SGCD: variants seen among roughly 807,000 people sequenced by gnomAD.
SGCD encodes delta-sarcoglycan.
A neutral mutation model predicts 36.6 loss-of-function variants in SGCD; 18 were observed. The ratio of observed to expected loss-of-function variants is 0.49; its 90% CI spans 0.34 to 0.73. The LOEUF is 0.73. Among genes scored for constraint, SGCD ranks in the 30% least tolerant of loss-of-function variants. The pLI, the probability that SGCD is intolerant of heterozygous loss-of-function variation, is 0.01. For synonymous variants in SGCD, 133 were observed against 130.6 expected, an observed-to-expected ratio of 1.02 and a Z score of -0.12; for missense variants, 387 against 346.7, an observed-to-expected ratio of 1.12 and a Z score of -0.92.
chr5:156,327,591 A>T (rs1767868405), intron 1 of SGCD, among the ~76,000 whole-genome samples: 1 of 152,216 alleles, frequency 6.6e-6, no homozygotes. Context: ...ATAATTTCAG[A>T]TGAAACTGTC....
In SGCD at chr5:156,144,597, T is replaced by C. The variant is rs1405844053; in HGVS notation, c.-44+20578T>C. ...TGTTGATGGGGTTGTTTGTTTTTTC[T>C]TATAAATTTGTTTGTGTTCATCGTG... On this transcript the variant is annotated intron_variant, in intron 3 of 9. Transcript: ENST00000517913. 3.3e-5 allele frequency among the ~76,000 whole-genome samples: 5 copies of C among 152,366 alleles called. No homozygotes were observed. The East Asian group carries it at 9.6e-4, about 29-fold the overall frequency.
intron 1 of SGCD, among the ~76,000 whole-genome samples, chr5:156,004,477 G>GC (rs1419585789): frequency 6.6e-6 from 1 of 152,094 alleles, no homozygotes; most frequent in Non-Finnish European, 1.5e-5. Flanking sequence ...CTAACAACCC[G>GC]TAAGGTTAGT....
chr5:156,309,162 A>G (rs1767318798), intron 3 of SGCD, among the ~76,000 whole-genome samples: 1 of 152,058 alleles, frequency 6.6e-6, no homozygotes, highest in Non-Finnish European at 1.5e-5. Context: ...AGCTTCATGA[A>G]TGTTTATATT....
chr5:156,382,206 A>G (rs1771019955), intron 3 of SGCD, among the ~76,000 whole-genome samples: 1 of 152,096 alleles, frequency 6.6e-6, no homozygotes, highest in South Asian at 2.1e-4. Flanking sequence ...CCCTCTCCAC[A>G]TATTTAATCA....
intron 7 of SGCD, among the ~76,000 whole-genome samples, chr5:156,682,697 A>G (rs563840693): frequency 4.6e-5 from 7 of 152,322 alleles, no homozygotes; most frequent in South Asian, 2.1e-4. Flanking sequence ...GTGAAGAGAG[A>G]TGGAGGATAT....
At chr5:156,597,782 C>T (rs1475193540) in intron 6 of SGCD, among the ~76,000 whole-genome samples, 3 of 152,102 alleles carry the variant, frequency 2.0e-5, no homozygotes, top group South Asian at 4.1e-4. Context: ...TGATTACTTG[C>T]TATGATTTAG....
rs140528297 is a variant in SGCD at position 156,393,175 on chromosome 5, A to G, written c.192+48498A>G. On this transcript the variant is annotated intron_variant, in intron 3 of 8. Coordinates refer to ENST00000337851, the MANE Select transcript of SGCD (RefSeq NM_000337.6). The stretch of plus-strand genomic sequence containing the variant: ...TCTATCAGTAGGGAAACCAAGAGAC[A>G]GGGACAGGACGGACATGCTTGAATA... 9.2e-5 allele frequency among the ~76,000 whole-genome samples: 14 copies of G among 152,322 alleles called. 1 individual carries two copies. In the East Asian group the frequency reaches 2.7e-3, roughly 29 times the overall value.
At chr5:156,524,051 G>A (rs114698895) in intron 4 of SGCD, among the ~76,000 whole-genome samples, 2,058 of 132,468 alleles carry the variant, frequency 0.016, 27 homozygotes, top group Non-Finnish European at 0.026. Context: ...CACTTAAAGT[G>A]GCAGTTTCCA....
At chr5:156,499,081 T>C (rs771664289) in intron 3 of SGCD, among the ~76,000 whole-genome samples, 1 of 152,102 alleles carries the variant, frequency 6.6e-6, no homozygotes, top group Admixed American at 6.6e-5. Context: ...AGAAGCTTAA[T>C]AGTGTAGCAT....
chr5:156,021,657 C>T (rs1759100740), intron 1 of SGCD, among the ~76,000 whole-genome samples: 1 of 152,142 alleles, frequency 6.6e-6, no homozygotes. Flanking sequence ...CAGAAGTTAA[C>T]TTGGGCCTCG....
At chr5:155,897,480 A>G (rs992386201) in intron 1 of SGCD, among the ~76,000 whole-genome samples, 14 of 152,272 alleles carry the variant, frequency 9.2e-5, no homozygotes, top group African/African-American at 3.1e-4. Context: ...TAAAACATAC[A>G]TATTTATTTT....
chr5:156,562,666 T>A (rs1353656635), intron 4 of SGCD, among the ~76,000 whole-genome samples: 1 of 152,082 alleles, frequency 6.6e-6, no homozygotes, highest in Non-Finnish European at 1.5e-5. Flanking sequence ...TTTGCTGTTT[T>A]AGGGCAACAG....
intron 3 of SGCD, among the ~76,000 whole-genome samples, chr5:156,474,286 G>C (rs549095606): frequency 5.0e-4 from 76 of 152,180 alleles, no homozygotes; most frequent in South Asian, 1.2e-3. Flanking sequence ...GGAATTTAAT[G>C]AACCCAGATA....
chr5:155,871,117 A>G (rs559295413), intron 1 of SGCD, among the ~76,000 whole-genome samples: 4 of 152,280 alleles, frequency 2.6e-5, no homozygotes, highest in Non-Finnish European at 5.9e-5. Context: ...AGGACCCAAC[A>G]GAGGCATTTG....
the SGCD span, among the ~76,000 whole-genome samples, chr5:155,816,673 A>G: frequency 8.5e-4 from 129 of 152,216 alleles, no homozygotes; most frequent in African/African-American, 3.0e-3. Flanking sequence ...AGCTTCCTAG[A>G]GGGGGTGAGT....
At chr5:155,996,176 T>C (rs1258454964) in intron 1 of SGCD, among the ~76,000 whole-genome samples, 2 of 152,082 alleles carry the variant, frequency 1.3e-5, no homozygotes, top group Admixed American at 6.6e-5. Context: ...GTTTGTTATG[T>C]AGCTAAAGTC....
chr5:156,687,654 C>T (rs780594148), intron 7 of SGCD, among the ~76,000 whole-genome samples: 1 of 152,192 alleles, frequency 6.6e-6, no homozygotes, highest in African/African-American at 2.4e-5. Context: ...GTAACGCTTC[C>T]ATTCACTGAC....
chr5:156,162,271 T>A (rs967165197), intron 3 of SGCD, among the ~76,000 whole-genome samples: 1 of 151,494 alleles, frequency 6.6e-6, no homozygotes, highest in African/African-American at 2.4e-5. Flanking sequence ...TCAAACAACC[T>A]CTCCAGGCTA....
chr5:156,615,616 T>C (rs958363946), intron 6 of SGCD, among the ~76,000 whole-genome samples: 1 of 152,194 alleles, frequency 6.6e-6, no homozygotes, highest in African/African-American at 2.4e-5. Context: ...TAAATGTGTA[T>C]GTCTGTCATA....
Sources: gnomAD v4.1 joint callset for allele counts (sites outside exome capture counted in the v4.1 genomes callset) on GRCh38, gnomAD v4.1.1 for gene constraint, MANE v1.5 for transcripts, NCBI Gene and HGNC (gene_info 2026-07-23, HGNC 2026-07-21) for gene names.